The following NPHP3 variants were observed in gnomAD, a reference collection of about 807,000 sequenced individuals.
The protein encoded by NPHP3 is nephrocystin-3.
Under a neutral mutation model 171.9 loss-of-function variants are expected in NPHP3, and 123 were observed. The observed-to-expected ratio is 0.72, with a 90% CI of 0.62 to 0.83. The LOEUF (loss-of-function observed/expected upper bound fraction) is 0.83, where lower values mean the gene tolerates loss of function less well. Among genes scored for constraint, NPHP3 ranks in the 40% least tolerant of loss-of-function variants. The pLI is 0.00. For synonymous variants in NPHP3, 558 were observed against 579.2 expected (o/e 0.96, Z 0.52); for missense variants, 1,506 against 1,591.9 (o/e 0.95, Z 0.92).
intron 16 of NPHP3, among the ~76,000 whole-genome samples, chr3:132,694,590 G>A (rs1309886856): frequency 6.6e-6 from 1 of 151,882 alleles, no homozygotes. Context: ...TTAAAAAATG[G>A]GTAAAGACCT....
chr3:132,712,356 G>A (rs1939933151), intron 6 of NPHP3: 1 of 451,944 alleles, frequency 2.2e-6, no homozygotes, highest in South Asian at 1.6e-5. Flanking sequence ...TTGAAATTAG[G>A]GGTTATCAAC....
intron 8 of NPHP3, 145 bp downstream of exon 8, chr3:132,705,595 G>C: frequency 1.7e-6 from 1 of 587,936 alleles, no homozygotes; most frequent in East Asian, 2.9e-5. Context: ...CATACCACAG[G>C]ATGGACTCCC....
At chr3:132,696,403 C>A (rs1939455284) in intron 15 of NPHP3, among the ~76,000 whole-genome samples, 1 of 152,112 alleles carries the variant, frequency 6.6e-6, no homozygotes, top group South Asian at 2.1e-4. Flanking sequence ...TTCAAAGATA[C>A]CTGAAATAAT....
rs747533174 is a variant in NPHP3 at position 132,700,034 on chromosome 3, C to CA, written c.1770dup (p.Ala591CysfsTer8). ...AGCTTAGCAGGATCCAGTGTCAGAG[C>CA]AGAGACTGACCAAGAGTGCTGCATC... is the stretch of plus-strand genomic sequence containing the variant. On this transcript the variant is annotated frameshift_variant, in exon 12 of 27. Transcript: ENST00000337331. LOFTEE classifies it high-confidence loss of function. The CA allele has an allele frequency of 1.2e-6, 2 of 1,614,100 alleles. No homozygotes were observed. Among genetic ancestry groups the CA allele is most frequent in the Admixed American group, 3.3e-5 (2 of 60,010 alleles).
chr3:132,700,845 C>T (rs746014654), intron 10 of NPHP3, among the ~76,000 whole-genome samples: 18 of 152,140 alleles, frequency 1.2e-4, no homozygotes, highest in East Asian at 1.9e-4. Flanking sequence ...CATATGCTAA[C>T]CCTTCAATAT....
At chr3:132,717,188 TAAA>T (rs1318081831) in intron 3 of NPHP3, 10 of 359,732 alleles carry the variant, frequency 2.8e-5, no homozygotes, top group Admixed American at 9.0e-5. Flanking sequence ...AGAAGGAAGT[TAAA>T]AACATTTTAC....
chr3:132,719,403 A>G (rs1033072762), intron 2 of NPHP3, among the ~76,000 whole-genome samples: 6 of 152,130 alleles, frequency 3.9e-5, no homozygotes, highest in Non-Finnish European at 8.8e-5. Context: ...TCTCTCTCCC[A>G]CTAAATACCA....
chr3:132,697,144 C>T, intron 14 of NPHP3, 116 bp downstream of exon 14: 2 of 784,968 alleles, frequency 2.5e-6, no homozygotes, highest in Non-Finnish European at 4.4e-6. Context: ...AAAGTAATTA[C>T]TAAACTCCAG....
rs115544780 is a variant in NPHP3 at position 132,705,174 on chromosome 3, T to A, written c.1350+566A>T. On this transcript the variant is annotated intron_variant, in intron 8 of 26. Coordinates refer to ENST00000337331, the MANE Select transcript of NPHP3 (RefSeq NM_153240.5). ...ATAAATAATCACTATTACTATTTTT[T>A]TCTAATATATAATTTAAAATTTTTT... 6.0e-3 allele frequency among the ~76,000 whole-genome samples: 906 copies of A among 152,234 alleles called. 7 individuals are homozygous for A. Among genetic ancestry groups the A allele is most frequent in the African/African-American group, 0.02 (847 of 41,552 alleles).
chr3:132,712,187 C>T (rs1356577282), intron 6 of NPHP3, among the ~76,000 whole-genome samples: 4 of 152,176 alleles, frequency 2.6e-5, no homozygotes, highest in African/African-American at 9.7e-5. Context: ...GTTCACTTTA[C>T]TGGGTCTATT....
chr3:132,704,671 G>GT (rs1184497127), intron 8 of NPHP3, among the ~76,000 whole-genome samples: 2 of 152,168 alleles, frequency 1.3e-5, no homozygotes, highest in Admixed American at 6.5e-5. Flanking sequence ...CATTTTGGTT[G>GT]TATCTGGCTG....
chr3:132,682,450 C>T, intron 26 of NPHP3: 1 of 561,170 alleles, frequency 1.8e-6, no homozygotes. Flanking sequence ...CATATTACTC[C>T]CAGAGCCAGA....
rs3046397 is a variant in NPHP3, at chr3:132,709,272, C to CTT, written c.1119-1017_1119-1016dup. Among the ~76,000 whole-genome samples the CTT allele has an allele frequency of 6.6e-4, 50 of 75,968 alleles. 1 individual carries two copies. The highest frequency in any genetic ancestry group is 1.4e-3 in the African/African-American group (25 of 18,094). The allele number at this position is 75,968 out of a possible 152,430, so 49.8% of individuals were successfully genotyped here. On this transcript the variant is annotated intron_variant, in intron 6 of 26. Coordinates refer to ENST00000337331, the MANE Select transcript of NPHP3 (RefSeq NM_153240.5). ...CTCCCTCCCTTCTTTCTTTCTCTCC[C>CTT]TTTTTTTTTTTTTTTTTTTTTTTTT...
rs750578308 is a variant in NPHP3, at chr3:132,719,189, A to C, written c.520-45T>G. On this transcript the variant is annotated intron_variant, in intron 2 of 26. Coordinates refer to ENST00000337331, the MANE Select transcript of NPHP3 (RefSeq NM_153240.5). ...AATGTTGAAAGCTTTTTCATAATCA[A>C]AAAGTTGTGTCATCAACTTTAAGGG... The C allele has an allele frequency of 3.4e-5, 50 of 1,471,512 alleles. No individual in the cohort carries two copies. In the South Asian group the frequency reaches 6.0e-4, roughly 18 times the overall value. The allele number at this position is 1,471,512 out of a possible 1,614,324, so 91.2% of individuals were successfully genotyped here. A position where few individuals can be genotyped will look rare whatever the true frequency, so the allele number is the denominator to read the frequency against.
Position 132,719,002 on chromosome 3 carries a change from T to C in NPHP3, c.662A>G (p.Asp221Gly). The stretch of plus-strand genomic sequence containing the variant: ...ATAGGATATACACTTACCAGTGACA[T>C]CTGTACAGTTGTCATCTGAATCAGA... ...GESDSDDNCT[D>G]VTAAGTQCEY... The change falls in exon 3 of 27, where the codon GAT becomes GGT. Residue 221 changes from aspartate to glycine, a missense_variant. Asp to Gly is a moderately conservative substitution (Grantham distance 94). Coordinates refer to ENST00000337331, the MANE Select transcript of NPHP3 (RefSeq NM_153240.5). The C allele has an allele frequency of 6.2e-7, 1 of 1,613,796 alleles. No individual in the cohort carries two copies. The highest frequency in any genetic ancestry group is 8.5e-7 in the Non-Finnish European group (1 of 1,179,718).
At chr3:132,713,377 A>G (rs1939965375) in intron 5 of NPHP3, 91 bp from the exon 6 acceptor site, 2 of 800,492 alleles carry the variant, frequency 2.5e-6, no homozygotes, top group Non-Finnish European at 3.9e-6. Flanking sequence ...GCACGCTTTA[A>G]AACAGGTTAT....
At chr3:132,689,284 A>C (rs1437739958) in intron 19 of NPHP3, 21 bp from the exon 20 acceptor site, 1 of 1,611,952 alleles carries the variant, frequency 6.2e-7, no homozygotes, top group Non-Finnish European at 8.5e-7. Flanking sequence ...AAATAACAGT[A>C]CTTTAATGAA....
Position 132,686,402 on chromosome 3 carries a change from A to C in NPHP3, c.3202-15T>G. On this transcript the variant is annotated splice_polypyrimidine_tract_variant and intron_variant, in intron 22 of 26. Coordinates refer to ENST00000337331, the MANE Select transcript of NPHP3 (RefSeq NM_153240.5). ...GCAAATCCGTACTGCAGCAAACATG[A>C]AAAATGAAAAGCAATCACTAAGTAG... 6.2e-7 allele frequency: 1 copy of C among 1,613,806 alleles called. No homozygotes were observed. Among genetic ancestry groups the C allele is most frequent in the Middle Eastern group, 1.7e-4 (1 of 6,060 alleles).
chr3:132,683,323 C>G, intron 25 of NPHP3, 76 bp downstream of exon 25: 1 of 1,259,670 alleles, frequency 7.9e-7, no homozygotes, highest in South Asian at 1.2e-5. Flanking sequence ...TTAGTGTTCC[C>G]TATCTAATTC....
Sources: gnomAD v4.1 joint callset for allele counts (sites outside exome capture counted in the v4.1 genomes callset) on GRCh38, gnomAD v4.1.1 for gene constraint, MANE v1.5 for transcripts, NCBI Gene and HGNC (gene_info 2026-07-23, HGNC 2026-07-21) for gene names.